Variants in PDE11A observed in about 807,000 individuals in gnomAD.
The protein encoded by PDE11A is phosphodiesterase 11A.
In PDE11A, 100 loss-of-function variants were observed where a neutral mutation model predicts 100.5. The observed-to-expected ratio is 1.00, with a 90% CI of 0.85 to 1.18. The LOEUF is 1.18. PDE11A is among the 50% of genes most tolerant of loss of function. PDE11A has a pLI of 0.00. For missense variants in PDE11A, 1,141 were observed against 1,152.6 expected, an observed-to-expected ratio of 0.99 and a Z score of 0.15; for synonymous variants, 381 against 420.8, an observed-to-expected ratio of 0.91 and a Z score of 1.16.
intron 4 of PDE11A, among the ~76,000 whole-genome samples, chr2:177,885,188 C>T (rs1356850684): frequency 7.2e-6 from 1 of 138,140 alleles, no homozygotes; most frequent in African/African-American, 2.7e-5. Flanking sequence ...TAATATGATA[C>T]ATTAATGATG....
At chr2:177,704,998 G>A (rs1220906617) in intron 13 of PDE11A, among the ~76,000 whole-genome samples, 1 of 151,990 alleles carries the variant, frequency 6.6e-6, no homozygotes, top group African/African-American at 2.4e-5. Context: ...GCACCACCAC[G>A]CTTAGCTAAT....
At chr2:177,881,559 C>T (rs2084343419) in intron 4 of PDE11A, among the ~76,000 whole-genome samples, 1 of 152,182 alleles carries the variant, frequency 6.6e-6, no homozygotes, top group Non-Finnish European at 1.5e-5. Context: ...ATACATGTGG[C>T]ATTAGTCCGT....
Position 178,071,712 on chromosome 2 carries a change from C to A in PDE11A, c.726G>T (p.Leu242=), listed in dbSNP as rs2087133700. Residue 242 remains leucine, a synonymous_variant, in exon 1 of 20, where the codon CTG becomes CTT. Transcript: ENST00000286063. ...TCTTGCCAGCAGCTGCCCCTTCCAC[C>A]AGGAAAAGAGAGCAGCGGTCAGCAT... is the stretch of plus-strand genomic sequence containing the variant. ...MVDADRCSLF[L]VEGAAAGKKT... The A allele has an allele frequency of 1.9e-6, 3 of 1,613,970 alleles. No homozygotes were observed. The South Asian group carries it at 3.3e-5, about 18-fold the overall frequency.
chr2:177,783,575 T>C (rs143280450), intron 9 of PDE11A, among the ~76,000 whole-genome samples: 1 of 152,360 alleles, frequency 6.6e-6, no homozygotes, highest in South Asian at 2.1e-4. Flanking sequence ...TTCCTTGCAA[T>C]ATAGGCAAGA....
intron 1 of PDE11A, among the ~76,000 whole-genome samples, chr2:178,070,696 T>G (rs1022497861): frequency 2.6e-5 from 4 of 152,210 alleles, no homozygotes; most frequent in Non-Finnish European, 4.4e-5. Flanking sequence ...AAAACCCAGA[T>G]GAGAGCATGT....
intron 2 of PDE11A, among the ~76,000 whole-genome samples, chr2:178,013,457 G>A: frequency 6.6e-6 from 1 of 152,130 alleles, no homozygotes; most frequent in East Asian, 1.9e-4. Flanking sequence ...CATATTTCAT[G>A]TTGACCTTCT....
chr2:178,105,842 A>C, intron 1 of PDE11A: 4 of 403,712 alleles, frequency 9.9e-6, no homozygotes. Flanking sequence ...TGCAATAAAC[A>C]CTTGCGGTTT....
intron 2 of PDE11A, among the ~76,000 whole-genome samples, chr2:178,098,155 A>C (rs974633532): frequency 5.3e-5 from 8 of 152,234 alleles, no homozygotes; most frequent in African/African-American, 1.9e-4. Context: ...TAAAATCCTG[A>C]GCAATTAAAA....
At chr2:178,016,609 A>AGAGAGACTGAATATGAAGGACTTAT (rs1156265534) in intron 1 of PDE11A, among the ~76,000 whole-genome samples, 1 of 152,188 alleles carries the variant, frequency 6.6e-6, no homozygotes, top group Non-Finnish European at 1.5e-5. Context: ...AAAATGCGTG[A>AGAGAGACTGAATATGAAGGACTTAT]GAGAGACTGA....
intron 15 of PDE11A, among the ~76,000 whole-genome samples, chr2:177,694,656 A>G (rs2081084545): frequency 6.6e-6 from 1 of 152,228 alleles, no homozygotes; most frequent in Non-Finnish European, 1.5e-5. Flanking sequence ...ATTTTTAAGT[A>G]TATATTTTAA....
intron 2 of PDE11A, among the ~76,000 whole-genome samples, chr2:177,968,227 G>A (rs528237920): frequency 6.6e-6 from 1 of 152,266 alleles, no homozygotes; most frequent in South Asian, 2.1e-4. Context: ...TAAACTGTAA[G>A]ATATTCTTTT....
intron 3 of PDE11A, chr2:177,899,652 A>ATG: frequency 4.6e-6 from 1 of 217,348 alleles, no homozygotes; most frequent in African/African-American, 2.4e-5. Flanking sequence ...ATATATATAT[A>ATG]TATGTAATTT....
chr2:177,672,445 C>G (rs1048603439), intron 17 of PDE11A, among the ~76,000 whole-genome samples: 1 of 151,978 alleles, frequency 6.6e-6, no homozygotes, highest in African/African-American at 2.4e-5. Context: ...AAAATTGGTA[C>G]GGAAGTGAGG....
At chr2:177,957,952 G>C (rs2085586706) in intron 2 of PDE11A, among the ~76,000 whole-genome samples, 1 of 123,390 alleles carries the variant, frequency 8.1e-6, no homozygotes, top group South Asian at 2.6e-4. Context: ...CCAGGCTGGA[G>C]TGCAGTGGCG....
chr2:177,644,277 A>G (rs1051491457), intron 19 of PDE11A, among the ~76,000 whole-genome samples: 3 of 152,270 alleles, frequency 2.0e-5, no homozygotes, highest in Non-Finnish European at 4.4e-5. Flanking sequence ...CTACAAAGCC[A>G]CAGGGGCAGA....
chr2:178,025,120 T>C (rs2086462960), intron 1 of PDE11A, among the ~76,000 whole-genome samples: 1 of 152,214 alleles, frequency 6.6e-6, no homozygotes, highest in African/African-American at 2.4e-5. Flanking sequence ...ATTTCATTGC[T>C]GTACAGTAAA....
chr2:177,699,708 T>G (rs1178096614), intron 14 of PDE11A, among the ~76,000 whole-genome samples: 1 of 152,136 alleles, frequency 6.6e-6, no homozygotes, highest in East Asian at 1.9e-4. Context: ...CAGAGCTCAT[T>G]TGGAAAGTGG....
At chr2:177,848,144 A>T (rs1162931979) in intron 5 of PDE11A, among the ~76,000 whole-genome samples, 1 of 152,180 alleles carries the variant, frequency 6.6e-6, no homozygotes, top group Non-Finnish European at 1.5e-5. Flanking sequence ...TTTTTTTTAA[A>T]GCAAGTCATT....
chr2:178,093,238 T>TAAGC, intron 2 of PDE11A, among the ~76,000 whole-genome samples: 1 of 152,322 alleles, frequency 6.6e-6, no homozygotes, highest in African/African-American at 2.4e-5. Context: ...ATGTTATGCT[T>TAAGC]AAGCAGTTCC....
Sources: allele counts gnomAD v4.1 joint callset (sites outside exome capture counted in the v4.1 genomes callset), GRCh38; gene constraint gnomAD v4.1.1; transcripts MANE v1.5; gene names NCBI Gene and HGNC (gene_info 2026-07-23, HGNC 2026-07-21).